Variants in TSHZ2 observed in about 807,000 individuals in gnomAD.
The protein encoded by TSHZ2 is teashirt homolog 2.
A neutral mutation model predicts 74.4 loss-of-function variants in TSHZ2; 21 were observed. That is an observed-to-expected ratio of 0.28 (90% confidence interval 0.20 to 0.41). The LOEUF (loss-of-function observed/expected upper bound fraction) is 0.41. Among genes scored for constraint, TSHZ2 ranks in the 10% least tolerant of loss-of-function variants. TSHZ2 has a pLI of 1.00. For synonymous variants in TSHZ2, 540 were observed against 515.3 expected, an observed-to-expected ratio of 1.05 and a Z score of -0.65; for missense variants, 1,244 against 1,293.5, an observed-to-expected ratio of 0.96 and a Z score of 0.59.
chr20:53,228,019 GTTTT>G (rs3971383), intron 1 of TSHZ2, among the ~76,000 whole-genome samples: 43 of 101,432 alleles, frequency 4.2e-4, no homozygotes, highest in African/African-American at 1.6e-3. Flanking sequence ...TTCAAATGGT[GTTTT>G]TTTTTTTTTT....
intron 1 of TSHZ2, among the ~76,000 whole-genome samples, chr20:53,213,434 G>A (rs760426783): frequency 1.3e-5 from 2 of 152,278 alleles, no homozygotes; most frequent in East Asian, 1.9e-4. Flanking sequence ...CCCAGCACTC[G>A]TCAATGCCTG....
intron 2 of TSHZ2, among the ~76,000 whole-genome samples, chr20:53,281,280 A>ACTGAG (rs1395072368): frequency 3.3e-5 from 5 of 152,328 alleles, no homozygotes; most frequent in African/African-American, 1.2e-4. Context: ...CCAGGCATCC[A>ACTGAG]CTGAGTCAAG....
intron 1 of TSHZ2, among the ~76,000 whole-genome samples, chr20:53,156,670 G>A (rs1329670374): frequency 6.6e-6 from 1 of 152,208 alleles, no homozygotes; most frequent in East Asian, 1.9e-4. Context: ...TGAGGCTTGT[G>A]TAGCCCAGAA....
intron 1 of TSHZ2, among the ~76,000 whole-genome samples, chr20:53,108,212 A>G (rs1185412093): frequency 6.6e-6 from 1 of 152,236 alleles, no homozygotes; most frequent in Non-Finnish European, 1.5e-5. Context: ...AGCAGCAAAA[A>G]GTAGAGAGGC....
intron 1 of TSHZ2, among the ~76,000 whole-genome samples, chr20:53,128,546 TTGTTAC>T (rs1286796385): frequency 3.3e-5 from 5 of 152,212 alleles, no homozygotes; most frequent in Admixed American, 1.3e-4. Context: ...AGTACCATAA[TTGTTAC>T]TGTTACTATG....
Position 53,309,880 on chromosome 20 carries a change from G to A in TSHZ2, c.*8+53309G>A, listed in dbSNP as rs146665336. Among the ~76,000 whole-genome samples, 312 of 152,322 alleles carry A rather than the reference G, an allele frequency of 2.0e-3. 1 individual carries two copies. Among genetic ancestry groups the A allele is most frequent in the African/African-American group, 7.3e-3 (303 of 41,566 alleles). ...GAATCCCAAAACCGAGGAAACAAAA[G>A]CAAGGAGGGCTCATGATCAAATGAG... On this transcript the variant is annotated intron_variant, in intron 2 of 2. Transcript: ENST00000371497.
intron 2 of TSHZ2, among the ~76,000 whole-genome samples, chr20:53,390,608 T>C (rs765899248): frequency 4.6e-5 from 7 of 152,224 alleles, no homozygotes; most frequent in Non-Finnish European, 7.3e-5. Context: ...TAAACATACA[T>C]GTACATGTGT....
rs188271674 is a variant in TSHZ2 at position 53,074,312 on chromosome 20, C to G, written c.40+100979C>G. ...GTTACCACATTGCTGAAATTATGTC[C>G]TAAGTATCAGTCCTTTCTACTGGAT... On this transcript the variant is annotated intron_variant, in intron 1 of 2. Transcript: ENST00000371497. The surrounding 1 kb of genome is among the most constrained non-coding windows in gnomAD (Gnocchi z 5.9). Among the ~76,000 whole-genome samples the G allele has an allele frequency of 2.6e-5, 4 of 152,274 alleles. No individual in the cohort carries two copies. Among genetic ancestry groups the G allele is most frequent in the South Asian group, 2.1e-4 (1 of 4,824 alleles).
At position 53,334,141 on chromosome 20, in the gene TSHZ2, G is replaced by A. The variant is rs553799940; in HGVS notation, c.*8+77570G>A. 2.6e-5 allele frequency among the ~76,000 whole-genome samples: 4 copies of A among 152,308 alleles called. No homozygotes were observed. The South Asian group carries it at 8.3e-4, about 32-fold the overall frequency. ...AATGGAGAGCAAAGTAGACACCAAT[G>A]TTGCCCTAAGGAGCTTGTGTTCTAA... On this transcript the variant is annotated intron_variant, in intron 2 of 2. Coordinates refer to ENST00000371497, the MANE Select transcript of TSHZ2 (RefSeq NM_173485.6).
rs11449860 is a variant in TSHZ2 at position 53,081,897 on chromosome 20, CT to C, written c.40+108578del. On this transcript the variant is annotated intron_variant, in intron 1 of 2. Transcript: ENST00000371497. ...TAAGTATGAAACAAATATGTTTATT[CT>C]TTTTTTTTTTTTTCTGAGACAGAGT... 5.7e-3 allele frequency among the ~76,000 whole-genome samples: 817 copies of C among 142,932 alleles called. 6 individuals are homozygous for C. Among genetic ancestry groups the C allele is most frequent in the African/African-American group, 0.016 (615 of 38,808 alleles). The allele number at this position is 142,932 out of a possible 152,430, so 93.8% of individuals were successfully genotyped here.
intron 1 of TSHZ2, among the ~76,000 whole-genome samples, chr20:53,223,218 G>A (rs752067862): frequency 1.1e-4 from 16 of 151,838 alleles, no homozygotes; most frequent in Admixed American, 2.6e-4. Flanking sequence ...ACCTATGGCA[G>A]GATTTCCCAA....
rs116827042 is a variant in TSHZ2 at position 53,170,590 on chromosome 20, A to C, written c.41-82909A>C. Among the ~76,000 whole-genome samples the C allele has an allele frequency of 3.6e-3, 546 of 152,296 alleles. 3 individuals are homozygous for C. The highest frequency in any genetic ancestry group is 0.013 in the African/African-American group (521 of 41,562). On this transcript the variant is annotated intron_variant, in intron 1 of 2. Coordinates refer to ENST00000371497, the MANE Select transcript of TSHZ2 (RefSeq NM_173485.6). ...TGAGCAGCATCCCCGGCCTCCACCC[A>C]CTGGATGATTGTAGCACCTCTCCCC...
rs557411643 is a variant in TSHZ2, at chr20:53,465,966, TAAAAAAAA to T, written c.*9-21167_*9-21160del. The stretch of plus-strand genomic sequence containing the variant: ...AGCTTAGACATATAATCACAGTGGT[TAAAAAAAA>T]AAAAAAAAAAGACTGTAATCCCAGC... On this transcript the variant is annotated intron_variant, in intron 2 of 2. Transcript: ENST00000371497. Among the ~76,000 whole-genome samples the T allele has an allele frequency of 8.2e-4, 109 of 132,212 alleles. 6 individuals are homozygous for T. In the South Asian group the frequency reaches 0.024, roughly 29 times the overall value. 86.7% of individuals were successfully genotyped at this position (132,212 alleles called of 152,430 possible).
intron 1 of TSHZ2, among the ~76,000 whole-genome samples, chr20:53,066,654 C>G (rs1177496811): frequency 6.6e-6 from 1 of 152,036 alleles, no homozygotes; most frequent in Admixed American, 6.6e-5. Context: ...ATAACAGGTA[C>G]GCGCCACAAC....
chr20:53,435,677 C>T (rs1048847966), intron 2 of TSHZ2, among the ~76,000 whole-genome samples: 1 of 152,130 alleles, frequency 6.6e-6, no homozygotes, highest in African/African-American at 2.4e-5. Context: ...CCACGCCTGG[C>T]TAATTTTTTG....
Position 52,986,045 on chromosome 20 carries a change from A to G in TSHZ2, c.40+12712A>G, listed in dbSNP as rs965091739. Among the ~76,000 whole-genome samples, 6 of 152,186 alleles carry G rather than the reference A, an allele frequency of 3.9e-5. No individual in the cohort carries two copies. The South Asian group carries it at 8.3e-4, about 21-fold the overall frequency. ...AACACCTCTCACCCTTGTTTGTCAG[A>G]AAGAGCAGACCTCAGATTCAGAGAC... On this transcript the variant is annotated intron_variant, in intron 1 of 2. Transcript: ENST00000371497.
chr20:53,248,246 TA>T lies in TSHZ2; in HGVS notation c.41-5252del, dbSNP rs201381756. ...CCATTATGCCTGGCTATTTTTTTTT[TA>T]TTTTTTTTGTAGAAACGGTCTAGCT... On this transcript the variant is annotated intron_variant, in intron 1 of 2. Coordinates refer to ENST00000371497, the MANE Select transcript of TSHZ2 (RefSeq NM_173485.6). Among the ~76,000 whole-genome samples, 433 of 150,570 alleles carry T rather than the reference TA, an allele frequency of 2.9e-3. 2 individuals carry two copies. The highest frequency in any genetic ancestry group is 3.1e-3 in the African/African-American group (128 of 41,014).
At chr20:53,334,633 T>C (rs1979868362) in intron 2 of TSHZ2, among the ~76,000 whole-genome samples, 2 of 151,960 alleles carry the variant, frequency 1.3e-5, no homozygotes, top group Non-Finnish European at 2.9e-5. Flanking sequence ...ACTTGCCTTC[T>C]ACTAAGTGAA....
chr20:53,396,278 C>T (rs1173539156), intron 2 of TSHZ2, among the ~76,000 whole-genome samples: 2 of 152,206 alleles, frequency 1.3e-5, no homozygotes, highest in Non-Finnish European at 1.5e-5. Context: ...ATATCCAGCT[C>T]ACATGTACGT....
Sources: allele counts gnomAD v4.1 joint callset (sites outside exome capture counted in the v4.1 genomes callset), GRCh38; gene constraint gnomAD v4.1.1; non-coding constraint Gnocchi (gnomAD v3.1); transcripts MANE v1.5; gene names NCBI Gene and HGNC (gene_info 2026-07-23, HGNC 2026-07-21).